Variants in REV3L observed in about 807,000 individuals in gnomAD.
REV3L encodes REV3 like, DNA directed polymerase zeta catalytic subunit, also known as DNA polymerase zeta catalytic subunit.
Under a neutral mutation model 299.4 loss-of-function variants are expected in REV3L, and 69 were observed. The observed-to-expected ratio is 0.23, with a 90% CI of 0.19 to 0.28. The LOEUF is 0.28. REV3L is among the 10% of genes least tolerant of loss of function. The pLI is 1.00. For synonymous variants in REV3L, 1,238 were observed against 1,271.4 expected (o/e 0.97, Z 0.56); for missense variants, 3,128 against 3,693.8 (o/e 0.85, Z 3.97).
intron 4 of REV3L, among the ~76,000 whole-genome samples, chr6:111,398,803 T>C (rs1782790815): frequency 6.6e-6 from 1 of 152,124 alleles, no homozygotes; most frequent in Admixed American, 6.5e-5. Flanking sequence ...TAATCTTTTA[T>C]CTCATACTAA....
chr6:111,337,181 T>C (rs956482137), intron 21 of REV3L, among the ~76,000 whole-genome samples: 1 of 152,132 alleles, frequency 6.6e-6, no homozygotes, highest in Admixed American at 6.6e-5. Context: ...TAAAACTTAC[T>C]GTGATGATGT....
At chr6:111,433,428 T>C (rs776177462) in intron 1 of REV3L, among the ~76,000 whole-genome samples, 10 of 152,208 alleles carry the variant, frequency 6.6e-5, no homozygotes, top group Non-Finnish European at 1.0e-4. Context: ...GAGACTGTTA[T>C]GAAGAACTAT....
At chr6:111,313,128 A>G in intron 28 of REV3L, 1 of 359,596 alleles carries the variant, frequency 2.8e-6, no homozygotes, top group Non-Finnish European at 4.9e-6. Context: ...GGACTACTGC[A>G]CTCCAGCCTG....
chr6:111,438,028 A>AT (rs1787801887), intron 1 of REV3L, among the ~76,000 whole-genome samples: 12 of 123,240 alleles, frequency 9.7e-5, no homozygotes, highest in Non-Finnish European at 1.3e-4. Flanking sequence ...TTTTTTTTTT[A>AT]TTTTTATTTT....
At position 111,337,341 on chromosome 6, in the gene REV3L, ATT is replaced by A. The variant is rs1776008016; in HGVS notation, c.7539-1733_7539-1732del. Among the ~76,000 whole-genome samples, 3 of 152,194 alleles carry A rather than the reference ATT, an allele frequency of 2.0e-5. No individual in the cohort carries two copies. In the South Asian group the frequency reaches 6.2e-4, roughly 32 times the overall value. Reference sequence around the variant, plus strand: ...CTCTATAAATGTTTAAGAAACAGAAATTTTGTTTCATAATTTACATTTTTAAC... The same window carrying A: ...CTCTATAAATGTTTAAGAAACAGAAATTGTTTCATAATTTACATTTTTAAC... On this transcript the variant is annotated intron_variant, in intron 21 of 31. Coordinates refer to ENST00000368802, the MANE Select transcript of REV3L (RefSeq NM_001372078.1).
At chr6:111,438,487 C>G (rs567359570) in intron 1 of REV3L, among the ~76,000 whole-genome samples, 182 of 148,074 alleles carry the variant, frequency 1.2e-3, no homozygotes, top group African/African-American at 4.3e-3. Flanking sequence ...GCTTTAAACC[C>G]TGAATCATAT....
intron 13 of REV3L, among the ~76,000 whole-genome samples, chr6:111,372,386 G>T (rs1328674977): frequency 6.6e-6 from 1 of 152,024 alleles, no homozygotes; most frequent in Non-Finnish European, 1.5e-5. Context: ...ATTTCTCTAG[G>T]TGTAACCATC....
chr6:111,362,602 T>C (rs1778808551), intron 16 of REV3L, among the ~76,000 whole-genome samples: 1 of 152,198 alleles, frequency 6.6e-6, no homozygotes, highest in Non-Finnish European at 1.5e-5. Context: ...TGATCCAATA[T>C]ATTTAAAATA....
intron 25 of REV3L, among the ~76,000 whole-genome samples, chr6:111,323,469 T>C (rs951998495): frequency 3.3e-5 from 5 of 152,176 alleles, no homozygotes; most frequent in Non-Finnish European, 7.3e-5. Context: ...CAAAGAAAAA[T>C]GTATCTAATT....
rs572472044 is a variant in REV3L at position 111,410,233 on chromosome 6, T to C, written c.404+1247A>G. On this transcript the variant is annotated intron_variant, in intron 3 of 31. Coordinates refer to ENST00000368802, the MANE Select transcript of REV3L (RefSeq NM_001372078.1). Reference sequence around the variant, plus strand: ...AAAATAATAAATGAACAAATAATGATGAATAAATGAATGAATCCATTAATA... The same window carrying C: ...AAAATAATAAATGAACAAATAATGACGAATAAATGAATGAATCCATTAATA... 8.5e-5 allele frequency among the ~76,000 whole-genome samples: 13 copies of C among 152,234 alleles called. No individual in the cohort carries two copies. The East Asian group carries it at 1.2e-3, about 14-fold the overall frequency.
intron 4 of REV3L, among the ~76,000 whole-genome samples, chr6:111,393,599 C>T (rs1003773378): frequency 2.6e-5 from 4 of 152,294 alleles, no homozygotes; most frequent in African/African-American, 7.2e-5. Flanking sequence ...GAACTTATTT[C>T]GTCTAATTGT....
At chr6:111,394,541 TTC>T (rs1277807808) in intron 4 of REV3L, among the ~76,000 whole-genome samples, 1 of 152,172 alleles carries the variant, frequency 6.6e-6, no homozygotes, top group East Asian at 1.9e-4. Flanking sequence ...TGCAAATATT[TTC>T]TCTCATTCTG....
chr6:111,367,237 G>A lies in REV3L; in HGVS notation c.6551C>T (p.Pro2184Leu), dbSNP rs1779319993. The change falls in exon 14 of 32, where the codon CCA (proline) becomes CTA (leucine). Residue 2184 changes from proline to leucine, a missense_variant. This residue lies in a region of REV3L where 2,409 missense variants were observed against 2,611.8 expected (regional missense o/e 0.92). Coordinates refer to ENST00000368802, the MANE Select transcript of REV3L (RefSeq NM_001372078.1). ...CCCAGTTCTTGCCCTAGTATTAATT[G>A]GAGATATCACTAGAGGCTCTTGAGG... ...SEPQEPLVIS[P>L]INTRARTGKC... 3.1e-6 allele frequency: 5 copies of A among 1,614,056 alleles called. No individual in the cohort carries two copies. The highest frequency in any genetic ancestry group is 4.2e-6 in the Non-Finnish European group (5 of 1,179,972).
chr6:111,443,052 T>C (rs1479396611), intron 1 of REV3L, among the ~76,000 whole-genome samples: 1 of 152,230 alleles, frequency 6.6e-6, no homozygotes, highest in Non-Finnish European at 1.5e-5. Context: ...ATACCTATCT[T>C]AAAGTCCTTT....
intron 21 of REV3L, among the ~76,000 whole-genome samples, chr6:111,339,994 T>C (rs924354791): frequency 1.3e-5 from 2 of 152,110 alleles, no homozygotes; most frequent in South Asian, 4.1e-4. Flanking sequence ...AACATACTTA[T>C]AAAGCACATG....
At chr6:111,465,745 C>CAAAAAA (rs376561912) in intron 1 of REV3L, among the ~76,000 whole-genome samples, 20 of 76,832 alleles carry the variant, frequency 2.6e-4, no homozygotes, top group Non-Finnish European at 2.5e-4. Flanking sequence ...AAACAAAAAC[C>CAAAAAA]AAAAAAAAAA....
intron 1 of REV3L, among the ~76,000 whole-genome samples, chr6:111,472,643 T>C (rs1792378076): frequency 6.6e-6 from 1 of 152,088 alleles, no homozygotes; most frequent in Non-Finnish European, 1.5e-5. Context: ...GAATTTACTT[T>C]GCTAGGCTTG....
At chr6:111,443,313 A>C (rs369889794) in intron 1 of REV3L, among the ~76,000 whole-genome samples, 1 of 151,860 alleles carries the variant, frequency 6.6e-6, no homozygotes, top group African/African-American at 2.4e-5. Context: ...TCGCCCAGCT[A>C]ATTTTTGTAT....
At chr6:111,302,347 T>C (rs1214419823) in intron 31 of REV3L, among the ~76,000 whole-genome samples, 2 of 152,216 alleles carry the variant, frequency 1.3e-5, no homozygotes, top group African/African-American at 2.4e-5. Context: ...GACAAACTGA[T>C]AAATATTTAA....
Sources: gnomAD v4.1 joint callset for allele counts (sites outside exome capture counted in the v4.1 genomes callset) on GRCh38, gnomAD v4.1.1 for gene constraint, gnomAD v4.1.1 regional missense constraint, MANE v1.5 for transcripts, NCBI Gene and HGNC (gene_info 2026-07-23, HGNC 2026-07-21) for gene names.